NEB: variants seen among roughly 807,000 people sequenced by gnomAD.
NEB encodes nemaline myopathy type 2.
In NEB, 512 loss-of-function variants were observed where a neutral mutation model predicts 952.2. The ratio of observed to expected loss-of-function variants is 0.54; its 90% CI spans 0.50 to 0.58. The LOEUF is 0.58. Ranked by LOEUF, NEB falls within the 20% of genes least tolerant of loss-of-function variation. The probability of loss-of-function intolerance (pLI) is 0.00; values close to 1 mark genes in which losing one functional copy is unlikely to be tolerated. For missense variants in NEB, 8,428 were observed against 9,231.1 expected, an observed-to-expected ratio of 0.91 and a Z score of 3.56; for synonymous variants, 2,900 against 3,149.8, an observed-to-expected ratio of 0.92 and a Z score of 2.66.
chr2:151,672,117 C>T (rs1055004971), intron 37 of NEB, among the ~76,000 whole-genome samples: 1 of 152,138 alleles, frequency 6.6e-6, no homozygotes, highest in Non-Finnish European at 1.5e-5. Context: ...CAAAGTGGCT[C>T]TCATAGTTAG....
At chr2:151,626,915 A>G (rs1315376156) in intron 70 of NEB, 87 bp downstream of exon 70, 5 of 1,489,564 alleles carry the variant, frequency 3.4e-6, no homozygotes, top group Non-Finnish European at 4.6e-6. Flanking sequence ...ATTTAATTGG[A>G]TTTAAAAAAG....
chr2:151,552,417 C>A (rs2095392207), intron 128 of NEB, among the ~76,000 whole-genome samples: 1 of 152,166 alleles, frequency 6.6e-6, no homozygotes, highest in Admixed American at 6.5e-5. Context: ...GCACAAAAAA[C>A]ACGTTGGAAG....
chr2:151,505,952 G>C (rs2068549294), intron 164 of NEB: 2 of 589,268 alleles, frequency 3.4e-6, no homozygotes, highest in Non-Finnish European at 6.1e-6. Flanking sequence ...AAGCCTCTCT[G>C]TTTTTCAGAT....
chr2:151,724,255 C>T lies in NEB; in HGVS notation c.612+5G>A, dbSNP rs775692122. The T allele has an allele frequency of 6.2e-7, 1 of 1,608,904 alleles. No homozygotes were observed. Among genetic ancestry groups the T allele is most frequent in the South Asian group, 1.1e-5 (1 of 90,240 alleles). On this transcript the variant is annotated splice_donor_5th_base_variant and intron_variant, in intron 8 of 181. Transcript: ENST00000397345. The stretch of plus-strand genomic sequence containing the variant: ...GACAGAAGTGGCAATGGAGCAGACC[C>T]TTACCTTGCTGAACATGGCGGTGTT...
intron 20 of NEB, 102 bp from the exon 21 acceptor site, chr2:151,692,464 T>C: frequency 1.1e-6 from 1 of 917,538 alleles, no homozygotes; most frequent in East Asian, 2.6e-5. Flanking sequence ...AGGGGCAAAA[T>C]TTATGTTTTC....
chr2:151,656,380 A>G lies in NEB; in HGVS notation c.6268T>C (p.Ser2090Pro), dbSNP rs1330911726. The change falls in exon 49 of 182, where the codon TCC becomes CCC. Residue 2090 changes from serine to proline, a missense_variant. Transcript: ENST00000397345. ...GATTGCATCTTAGCCACTTGCATGG[A>G]ATGGACTAATTTGGGATCATCCTCG... is the stretch of plus-strand genomic sequence containing the variant. ...SLEDDPKLVH[S>P]MQVAKMQSDR... 1.3e-5 allele frequency: 21 copies of G among 1,613,472 alleles called. No individual in the cohort carries two copies. The highest frequency in any genetic ancestry group is 1.7e-5 in the Non-Finnish European group (20 of 1,179,686).
intron 32 of NEB, 24 bp downstream of exon 32, chr2:151,679,697 A>G: frequency 3.7e-6 from 2 of 536,628 alleles, no homozygotes; most frequent in Non-Finnish European, 6.4e-6. Flanking sequence ...CTAGTTGCCC[A>G]TGTATGACCA....
In NEB at chr2:151,724,312, G is replaced by A; in HGVS notation, c.560C>T (p.Pro187Leu). The A allele has an allele frequency of 6.2e-7, 1 of 1,613,208 alleles. No individual in the cohort carries two copies. Among genetic ancestry groups the A allele is most frequent in the Non-Finnish European group, 8.5e-7 (1 of 1,179,598 alleles). ...EDTKDKYLLP[P>L]DAPELVQAVK... ...GGCCTGGACAAGTTCAGGGGCATCA[G>A]GAGGAAGCAGGTACTTATCCTTGGT... Residue 187 changes from proline to leucine, a missense_variant, in exon 8 of 182, where the codon CCT becomes CTT. Transcript: ENST00000397345.
rs1575214374 is a variant in NEB at position 151,653,991 on chromosome 2, C to T, written c.6915+1G>A. ...CTTATAGAACTCAAACTAGTACTCA[C>T]ATCACTAGCAATGTCTCTTGAAGCT... On this transcript the variant is annotated splice_donor_variant, in intron 52 of 181. Coordinates refer to ENST00000397345, the MANE Select transcript of NEB (RefSeq NM_001164508.2). LOFTEE classifies it high-confidence loss of function. 6.2e-7 allele frequency: 1 copy of T among 1,601,126 alleles called. No individual in the cohort carries two copies. Among genetic ancestry groups the T allele is most frequent in the Non-Finnish European group, 8.6e-7 (1 of 1,168,750 alleles).
intron 10 of NEB, among the ~76,000 whole-genome samples, chr2:151,714,346 T>G (rs915910266): frequency 2.0e-5 from 3 of 152,316 alleles, no homozygotes; most frequent in Non-Finnish European, 2.9e-5. Context: ...CACCCCAGAC[T>G]ATTGTATGTT....
chr2:151,634,222 G>A (rs1180662603), intron 64 of NEB, among the ~76,000 whole-genome samples: 2 of 152,202 alleles, frequency 1.3e-5, no homozygotes, highest in Non-Finnish European at 2.9e-5. Context: ...AAGTGCATAT[G>A]TGGGGAAAAG....
At position 151,642,814 on chromosome 2, in the gene NEB, T is replaced by A; in HGVS notation, c.8216A>T (p.Asp2739Val). The change falls in exon 59 of 182, where the codon GAT (aspartate) becomes GTT (valine). Residue 2739 changes from aspartate to valine, a missense_variant. Asp to Val is a radical substitution (Grantham distance 152). This residue lies in a region of NEB where 1,772 missense variants were observed against 1,960.3 expected (regional missense o/e 0.90). Coordinates refer to ENST00000397345, the MANE Select transcript of NEB (RefSeq NM_001164508.2). ...KDKTTVHIMP[D>V]TPEVLLAKQN... ...TTTAGCTAATAAAACTTCAGGGGTA[T>A]CTGGCATAATGTGGACAGTGGTTTT... The A allele has an allele frequency of 6.2e-7, 1 of 1,613,210 alleles. No homozygotes were observed. The highest frequency in any genetic ancestry group is 8.5e-7 in the Non-Finnish European group (1 of 1,179,464).
rs41270201 is a variant in NEB at position 151,508,075 on chromosome 2, G to A, written c.23381C>T (p.Ser7794Leu). 36,997 of 1,609,282 alleles carry A rather than the reference G, an allele frequency of 0.023. 531 individuals carry two copies. The highest frequency in any genetic ancestry group is 0.028 in the Non-Finnish European group (32,980 of 1,177,304). The stretch of plus-strand genomic sequence containing the variant: ...GGTGTCCAAAACAGTCTCATAATAC[G>A]ACATGGACTTCTCAGCATCTTCCTT... The part of the protein sequence containing the change: ...KYKEDAEKSM[S>L]YYETVLDTPE... Residue 7794 changes from serine (S) to leucine (L), a missense_variant, in exon 162 of 182, where the codon TCG becomes TTG. Ser to Leu is a moderately radical substitution (Grantham distance 145). Coordinates refer to ENST00000397345, the MANE Select transcript of NEB (RefSeq NM_001164508.2).
In NEB at chr2:151,636,318, G is replaced by T; in HGVS notation, c.9011C>A (p.Ala3004Asp). 6.2e-7 allele frequency: 1 copy of T among 1,606,588 alleles called. No individual in the cohort carries two copies. The highest frequency in any genetic ancestry group is 1.3e-5 in the African/African-American group (1 of 75,030). ...GCCTTTCTTCTTTGCTTCTTCATTAGCAAGTTTGTACAGACTCTAAATTTG... is the reference window on the plus strand; with the variant it reads ...GCCTTTCTTCTTTGCTTCTTCATTATCAAGTTTGTACAGACTCTAAATTTG... ...INYSESLYKLANEEAKKKGYD... is the reference protein window; with the variant it reads ...INYSESLYKLDNEEAKKKGYD... Residue 3004 changes from alanine to aspartate, a missense_variant, in exon 64 of 182, where the codon GCT becomes GAT. Transcript: ENST00000397345.
intron 137 of NEB, 47 bp from the exon 138 acceptor site, chr2:151,540,495 A>C: frequency 7.0e-7 from 1 of 1,432,350 alleles, no homozygotes; most frequent in Non-Finnish European, 9.6e-7. Flanking sequence ...GTGTCTTCCC[A>C]ATTTCCAACC....
At chr2:151,626,913 G>T in intron 70 of NEB, 89 bp downstream of exon 70, 2 of 1,465,712 alleles carry the variant, frequency 1.4e-6, no homozygotes, top group Non-Finnish European at 1.9e-6. Context: ...CAATTTAATT[G>T]GATTTAAAAA....
intron 11 of NEB, 100 bp downstream of exon 11, chr2:151,710,334 G>A (rs2099741110): frequency 6.0e-6 from 4 of 661,794 alleles, no homozygotes; most frequent in African/African-American, 3.6e-5. Context: ...GGGGCCTCAA[G>A]TGTTCTGGCA....
At chr2:151,543,375 CAT>C (rs993453392) in intron 135 of NEB, among the ~76,000 whole-genome samples, 7 of 152,108 alleles carry the variant, frequency 4.6e-5, no homozygotes, top group Admixed American at 6.6e-5. Flanking sequence ...AAATGTAACT[CAT>C]GTGTTTGGGG....
rs186715931 is a variant in NEB, at chr2:151,711,483, A to T, written c.823-945T>A. 6.0e-4 allele frequency among the ~76,000 whole-genome samples: 92 copies of T among 152,340 alleles called. 1 individual carries two copies. The highest frequency in any genetic ancestry group is 1.0e-3 in the Admixed American group (16 of 15,302). ...CTTTAAGAGAAGGTGAGTGATGTGC[A>T]GAGTCAACGAGCTTGGGTTAGAGGA... On this transcript the variant is annotated intron_variant, in intron 10 of 181. Transcript: ENST00000397345.
Sources: gnomAD v4.1 joint callset for allele counts (sites outside exome capture counted in the v4.1 genomes callset) on GRCh38, gnomAD v4.1.1 for gene constraint, gnomAD v4.1.1 regional missense constraint, MANE v1.5 for transcripts, NCBI Gene and HGNC (gene_info 2026-07-23, HGNC 2026-07-21) for gene names.